Variants in PTPRN2 observed in about 807,000 individuals in gnomAD.
PTPRN2 encodes the protein protein tyrosine phosphatase receptor type N2.
A neutral mutation model predicts 118.8 loss-of-function variants in PTPRN2; 74 were observed. That is an observed-to-expected ratio of 0.62 (90% confidence interval 0.52 to 0.76). PTPRN2 has a LOEUF of 0.76. Among genes scored for constraint, PTPRN2 ranks in the 30% least tolerant of loss-of-function variants. The pLI is 0.00. For missense variants in PTPRN2, 1,481 were observed against 1,394.4 expected (o/e 1.06, Z -0.99); for synonymous variants, 641 against 608.0 (o/e 1.05, Z -0.80).
At chr7:158,344,886 T>C (rs548060868) in intron 2 of PTPRN2, among the ~76,000 whole-genome samples, 4 of 152,198 alleles carry the variant, frequency 2.6e-5, no homozygotes, top group Admixed American at 1.3e-4. Flanking sequence ...TCCCTGTTGG[T>C]TTGCACATGT....
chr7:158,132,678 TAC>T lies in PTPRN2; in HGVS notation c.1556+997_1556+998del, dbSNP rs528046341. Among the ~76,000 whole-genome samples the T allele has an allele frequency of 5.0e-3, 757 of 150,434 alleles. 6 individuals are homozygous for T. The highest frequency in any genetic ancestry group is 8.5e-3 in the Non-Finnish European group (573 of 67,714). On this transcript the variant is annotated intron_variant, in intron 9 of 22. Transcript: ENST00000389418. ...CCCTACACACTCATATACACACAGATACACACACATCTACCCAACACACATTC... is the reference window on the plus strand; with the variant it reads ...CCCTACACACTCATATACACACAGATACACACATCTACCCAACACACATTC...
intron 2 of PTPRN2, among the ~76,000 whole-genome samples, chr7:158,440,137 T>C (rs1418075306): frequency 1.3e-5 from 2 of 152,200 alleles, no homozygotes; most frequent in East Asian, 1.9e-4. Flanking sequence ...CAACAACAGA[T>C]GGTGTGTGGC....
chr7:157,949,389 T>C (rs561290809), intron 11 of PTPRN2, among the ~76,000 whole-genome samples: 13 of 152,390 alleles, frequency 8.5e-5, no homozygotes, highest in African/African-American at 2.9e-4. Flanking sequence ...TAGTTTTGTT[T>C]CATTCATCTA....
intron 17 of PTPRN2, among the ~76,000 whole-genome samples, chr7:157,589,497 C>T (rs546202730): frequency 3.1e-4 from 47 of 152,144 alleles, no homozygotes; most frequent in Non-Finnish European, 5.6e-4. Flanking sequence ...TACCCAAAGC[C>T]GCAGGGATCC....
chr7:158,535,253 C>T (rs945187937), intron 1 of PTPRN2, among the ~76,000 whole-genome samples: 2 of 152,236 alleles, frequency 1.3e-5, no homozygotes, highest in African/African-American at 4.8e-5. Flanking sequence ...CTCTTAACTA[C>T]TCAGTACCAA....
At chr7:158,165,837 C>T (rs1033459340) in intron 6 of PTPRN2, among the ~76,000 whole-genome samples, 5 of 152,304 alleles carry the variant, frequency 3.3e-5, no homozygotes, top group South Asian at 2.1e-4. Flanking sequence ...CCCCTGGGCC[C>T]GCCCTGACGT....
chr7:157,927,473 A>G (rs10279215), intron 11 of PTPRN2, among the ~76,000 whole-genome samples: 92,555 of 94,134 alleles, frequency 0.98, 45,533 homozygotes, highest in Middle Eastern at 0.99. Context: ...CCTTCTGAGA[A>G]CAGAGACCTC....
At chr7:157,841,666 T>C (rs534616689) in intron 12 of PTPRN2, among the ~76,000 whole-genome samples, 39 of 152,330 alleles carry the variant, frequency 2.6e-4, no homozygotes, top group Admixed American at 3.3e-4. Flanking sequence ...CTGAGGCTCA[T>C]GCATTATTCA....
chr7:158,322,538 GCCA>G (rs1203343024), intron 2 of PTPRN2, among the ~76,000 whole-genome samples: 8 of 70,548 alleles, frequency 1.1e-4, no homozygotes, highest in East Asian at 3.4e-4. Flanking sequence ...CCAGTGGGCG[GCCA>G]GGAGGGAGCA....
At position 158,366,091 on chromosome 7, in the gene PTPRN2, ACAC is replaced by A. The variant is rs533060061; in HGVS notation, c.164-49162_164-49160del. On this transcript the variant is annotated intron_variant, in intron 2 of 22. Coordinates refer to ENST00000389418, the MANE Select transcript of PTPRN2 (RefSeq NM_002847.5). ...CGCGTGCACACACACACGCACACAC[ACAC>A]AGCATCCCTAGAAGCTGCAGCCCAA... is the stretch of plus-strand genomic sequence containing the variant. Among the ~76,000 whole-genome samples, 9 of 141,576 alleles carry A rather than the reference ACAC, an allele frequency of 6.4e-5. No homozygotes were observed. In the South Asian group the frequency reaches 2.2e-3, roughly 34 times the overall value. The allele number at this position is 141,576 out of a possible 152,430, so 92.9% of individuals were successfully genotyped here.
rs913416012 is a variant in PTPRN2, at chr7:157,869,949, T to G, written c.1788+28724A>C. ...ACCTTTGCTCTTGATCAGTCTGCTG[T>G]TGCTTCGATGGGACCCCTTCCGCCT... On this transcript the variant is annotated intron_variant, in intron 12 of 22. Transcript: ENST00000389418. This position sits in a 1 kb window ranked among gnomAD's most constrained non-coding sequence, Gnocchi z 4.2. Among the ~76,000 whole-genome samples, 4 of 152,206 alleles carry G rather than the reference T, an allele frequency of 2.6e-5. No homozygotes were observed. Among genetic ancestry groups the G allele is most frequent in the African/African-American group, 9.7e-5 (4 of 41,448 alleles).
At chr7:157,576,848 G>A in intron 18 of PTPRN2, 69 bp from the exon 19 acceptor site, 1 of 1,428,918 alleles carries the variant, frequency 7.0e-7, no homozygotes, top group Non-Finnish European at 9.5e-7. Context: ...CTCAGGCACT[G>A]AGGAACCCAG....
chr7:158,164,249 G>A (rs1021467078), intron 6 of PTPRN2, among the ~76,000 whole-genome samples: 17 of 151,672 alleles, frequency 1.1e-4, no homozygotes, highest in Admixed American at 5.2e-4. Flanking sequence ...GAGCAGGAGC[G>A]CACGCGTAGG....
intron 1 of PTPRN2, among the ~76,000 whole-genome samples, chr7:158,523,876 G>A (rs1256927384): frequency 6.3e-5 from 2 of 31,578 alleles, no homozygotes; most frequent in African/African-American, 1.8e-4. Flanking sequence ...GAGTGGAGTC[G>A]TCTACCCTGG....
In PTPRN2 at chr7:157,801,174, T is replaced by G. The variant is rs1407599188; in HGVS notation, c.1788+97499A>C. On this transcript the variant is annotated intron_variant, in intron 12 of 22. Coordinates refer to ENST00000389418, the MANE Select transcript of PTPRN2 (RefSeq NM_002847.5). This position sits in a 1 kb window ranked among gnomAD's most constrained non-coding sequence, Gnocchi z 4.2. ...GGTGCTTATGTGGTGTCACAATGCG[T>G]CTTGTGCCTCTCATCTGATTCCGCT... Among the ~76,000 whole-genome samples, 1 of 151,950 alleles carries G rather than the reference T, an allele frequency of 6.6e-6. No homozygotes were observed. Among genetic ancestry groups the G allele is most frequent in the East Asian group, 1.9e-4 (1 of 5,176 alleles).
At chr7:157,819,708 A>G (rs1191946413) in intron 12 of PTPRN2, among the ~76,000 whole-genome samples, 7 of 152,060 alleles carry the variant, frequency 4.6e-5, no homozygotes, top group Non-Finnish European at 8.8e-5. Context: ...GCTCCCTGTC[A>G]CGTCTCCTGG....
Position 157,971,711 on chromosome 7 carries a change from A to C in PTPRN2, c.1724-72974T>G, listed in dbSNP as rs76182860. ...AGTGGGAAAGAAAGAAAGAAAAAAA[A>C]CCCACCGTTTTAGAATGCAGTAATG... On this transcript the variant is annotated intron_variant, in intron 11 of 22. Coordinates refer to ENST00000389418, the MANE Select transcript of PTPRN2 (RefSeq NM_002847.5). 4.2e-3 allele frequency among the ~76,000 whole-genome samples: 636 copies of C among 152,324 alleles called. 5 individuals are homozygous for C. Among genetic ancestry groups the C allele is most frequent in the African/African-American group, 0.014 (584 of 41,576 alleles).
chr7:158,118,247 A>C (rs186372889), intron 9 of PTPRN2, among the ~76,000 whole-genome samples: 14 of 152,336 alleles, frequency 9.2e-5, no homozygotes, highest in Admixed American at 7.2e-4. Flanking sequence ...ATTTTGTGAT[A>C]TCAATAGCCA....
intron 12 of PTPRN2, among the ~76,000 whole-genome samples, chr7:157,876,810 C>A (rs1395788120): frequency 6.6e-6 from 1 of 152,210 alleles, no homozygotes; most frequent in Non-Finnish European, 1.5e-5. Context: ...TGGGTGCCAG[C>A]AGCCACCTGG....
Sources: gnomAD v4.1 joint callset for allele counts (sites outside exome capture counted in the v4.1 genomes callset) on GRCh38, gnomAD v4.1.1 for gene constraint, Gnocchi (gnomAD v3.1) non-coding constraint, MANE v1.5 for transcripts, NCBI Gene and HGNC (gene_info 2026-07-23, HGNC 2026-07-21) for gene names.